Variants in TSC2 observed in about 807,000 individuals in gnomAD.
The protein encoded by TSC2 is tuberin.
Under a neutral mutation model 202.2 loss-of-function variants are expected in TSC2, and 29 were observed. The ratio of observed to expected loss-of-function variants is 0.14; its 90% CI spans 0.11 to 0.20. The LOEUF (loss-of-function observed/expected upper bound fraction) is 0.20, where lower values mean the gene tolerates loss of function less well. TSC2 is among the 10% of genes least tolerant of loss of function. TSC2 has a pLI of 1.00. For missense variants in TSC2, 2,429 were observed against 2,420.0 expected (o/e 1.00, Z -0.08); for synonymous variants, 1,349 against 1,044.0 (o/e 1.29, Z -5.63).
chr16:2,065,951 C>T (rs1353097853), intron 16 of TSC2, among the ~76,000 whole-genome samples: 3 of 152,216 alleles, frequency 2.0e-5, no homozygotes, highest in East Asian at 3.8e-4. Flanking sequence ...GGGTGGCCCT[C>T]CATTCCTGCC....
At chr16:2,073,459 G>C (rs1482173620) in intron 21 of TSC2, among the ~76,000 whole-genome samples, 1 of 152,258 alleles carries the variant, frequency 6.6e-6, no homozygotes, top group Non-Finnish European at 1.5e-5. Flanking sequence ...GGCCCTCCGG[G>C]ACGAGGAGCT....
chr16:2,074,471 A>G, intron 22 of TSC2, 82 bp downstream of exon 22: 3 of 1,547,692 alleles, frequency 1.9e-6, no homozygotes, highest in Non-Finnish European at 2.6e-6. Flanking sequence ...GCCCTCTCTC[A>G]GGACTCCTTG....
intron 32 of TSC2, 98 bp downstream of exon 32, chr16:2,082,602 T>C (rs1468918985): frequency 7.4e-7 from 1 of 1,350,712 alleles, no homozygotes; most frequent in Non-Finnish European, 1.0e-6. Context: ...ATGGTCCGTC[T>C]GCCTCCATTG....
chr16:2,062,796 G>GCTCCCTCT, intron 13 of TSC2, 176 bp from the exon 14 acceptor site: 1 of 897,142 alleles, frequency 1.1e-6, no homozygotes, highest in Non-Finnish European at 1.7e-6. Flanking sequence ...ACGCCACTGG[G>GCTCCCTCT]CTCCCTCTTT....
rs771763773 is a variant in TSC2 at position 2,079,372 on chromosome 16, G to A, written c.3228G>A (p.Gly1076=). The change falls in exon 28 of 42, where the codon GGG becomes GGA. Residue 1076 remains glycine, a synonymous_variant. Transcript: ENST00000219476. This position sits in a 1 kb window ranked among gnomAD's most constrained non-coding sequence, Gnocchi z 4.6. ...CTGTGACGACAAGCGTGGGAACCGG[G>A]ACCCGGTCGTTACTAGGCCTGGACT... The part of the protein sequence containing the change: ...LVTVTTSVGT[G]TRSLLGLDSG... 4 of 1,612,936 alleles carry A rather than the reference G, an allele frequency of 2.5e-6. No individual in the cohort carries two copies. In the South Asian group the frequency reaches 3.3e-5, roughly 13 times the overall value.
At chr16:2,077,859 G>A (rs1300050480) in intron 26 of TSC2, 133 bp downstream of exon 26, 17 of 1,455,812 alleles carry the variant, frequency 1.2e-5, no homozygotes, top group African/African-American at 2.8e-5. Flanking sequence ...AGGGGGAGCC[G>A]GTGACGAGGG....
chr16:2,073,421 C>T (rs2088800113), intron 21 of TSC2, among the ~76,000 whole-genome samples: 3 of 152,270 alleles, frequency 2.0e-5, no homozygotes, highest in South Asian at 2.1e-4. Flanking sequence ...CCGTCCCAGT[C>T]GCATTCTTCC....
chr16:2,080,676 G>A (rs556270711), intron 30 of TSC2: 11 of 395,448 alleles, frequency 2.8e-5, no homozygotes, highest in African/African-American at 4.1e-5. Flanking sequence ...AGTAGAGATG[G>A]GGTTTCACTG....
At chr16:2,062,241 G>A (rs964716298) in intron 12 of TSC2, among the ~76,000 whole-genome samples, 1 of 152,226 alleles carries the variant, frequency 6.6e-6, no homozygotes, top group African/African-American at 2.4e-5. Flanking sequence ...GCTTCCATCC[G>A]GCTCTGTAGA....
Position 2,084,777 on chromosome 16 carries a change from C to T in TSC2, c.4493+62C>T, listed in dbSNP as rs575903752. 307 of 1,598,580 alleles carry T rather than the reference C, an allele frequency of 1.9e-4. 1 individual carries two copies. The East Asian group carries it at 6.6e-3, about 34-fold the overall frequency. On this transcript the variant is annotated intron_variant, in intron 34 of 41. Coordinates refer to ENST00000219476, the MANE Select transcript of TSC2 (RefSeq NM_000548.5). ...TCTCCTGCGGGAACCTGGTGCCTCA[C>T]TTGCCCCAGGCCGAGCGGGCTGGGG... is the stretch of plus-strand genomic sequence containing the variant.
chr16:2,061,293 T>C, intron 11 of TSC2: 1 of 283,050 alleles, frequency 3.5e-6, no homozygotes, highest in South Asian at 3.6e-5. Context: ...TGCCTTTTCC[T>C]GGAGCCTGGG....
rs1157610184 is a variant in TSC2 at position 2,086,480 on chromosome 16, C to A, written c.4849+101C>A. 7 of 1,501,440 alleles carry A rather than the reference C, an allele frequency of 4.7e-6. No individual in the cohort carries two copies. In the African/African-American group the frequency reaches 5.5e-5, roughly 12 times the overall value. 93.0% of individuals were successfully genotyped at this position (1,501,440 alleles called of 1,614,324 possible). ...GCCCTGGGGCATGGCCCTGGCACCC[C>A]CACCTGCTCCAGCTCCCCACGCCTC... is the stretch of plus-strand genomic sequence containing the variant. On this transcript the variant is annotated intron_variant, in intron 37 of 41. Coordinates refer to ENST00000219476, the MANE Select transcript of TSC2 (RefSeq NM_000548.5).
At chr16:2,074,140 G>T in intron 21 of TSC2, 60 bp from the exon 22 acceptor site, 4 of 1,603,164 alleles carry the variant, frequency 2.5e-6, no homozygotes, top group Non-Finnish European at 3.4e-6. Context: ...GTTGGCGAGG[G>T]GTAGGCGAGG....
intron 22 of TSC2, chr16:2,074,719 C>A: frequency 2.4e-6 from 1 of 423,074 alleles, no homozygotes; most frequent in Non-Finnish European, 4.5e-6. Flanking sequence ...TTCGCTTCCC[C>A]CAGACTGTGA....
At position 2,089,342 on chromosome 16, in the gene TSC2, C is replaced by CTT. The variant is rs2091336989; in HGVS notation, c.*733_*734dup. On this transcript the variant is annotated 3_prime_UTR_variant, in exon 42 of 42. Coordinates refer to ENST00000219476, the MANE Select transcript of TSC2 (RefSeq NM_000548.5). Reference sequence around the variant, plus strand: ...ACGGTAGGAACTGGAGAGGTAATAACTTAGGGGCAGGGTGGCGGCGGTGCA... The same window carrying CTT: ...ACGGTAGGAACTGGAGAGGTAATAACTTTTAGGGGCAGGGTGGCGGCGGTGCA... 1 of 330,498 alleles carries CTT rather than the reference C, an allele frequency of 3.0e-6. No individual in the cohort carries two copies. Among genetic ancestry groups the CTT allele is most frequent in the Non-Finnish European group, 5.7e-6 (1 of 176,846 alleles). The allele number at this position is 330,498 out of a possible 1,614,324, so 20.5% of individuals were successfully genotyped here. A position where few individuals can be genotyped will look rare whatever the true frequency, so the allele number is the denominator to read the frequency against.
intron 11 of TSC2, 76 bp downstream of exon 11, chr16:2,060,889 C>G: frequency 6.4e-7 from 1 of 1,571,716 alleles, no homozygotes. Flanking sequence ...AAGATGGTAC[C>G]TTGGGCCCCA....
chr16:2,070,406 A>AC, intron 16 of TSC2, 50 bp from the exon 17 acceptor site: 10 of 1,613,030 alleles, frequency 6.2e-6, no homozygotes, highest in Non-Finnish European at 8.5e-6. Context: ...CTGTCTTAGG[A>AC]CTGCGTTTTC....
At chr16:2,066,467 T>C (rs1436019493) in intron 16 of TSC2, 1 of 152,216 alleles carries the variant, frequency 6.6e-6, no homozygotes, top group Non-Finnish European at 1.5e-5. Flanking sequence ...GGTGCTGCTG[T>C]GAACCTTCTC....
rs966007423 is a variant in TSC2, at chr16:2,086,180, C to T, written c.4663-13C>T. ...GGGAGTGATGCCACCCTGCCTCTCCCCTCTCCCCACAGAGCAACAGCGAGC... is the reference window on the plus strand; with the variant it reads ...GGGAGTGATGCCACCCTGCCTCTCCTCTCTCCCCACAGAGCAACAGCGAGC... On this transcript the variant is annotated splice_polypyrimidine_tract_variant and intron_variant, in intron 36 of 41. Coordinates refer to ENST00000219476, the MANE Select transcript of TSC2 (RefSeq NM_000548.5). 1 of 1,611,800 alleles carries T rather than the reference C, an allele frequency of 6.2e-7. No homozygotes were observed. Among genetic ancestry groups the T allele is most frequent in the South Asian group, 1.1e-5 (1 of 91,070 alleles).
Sources: allele counts gnomAD v4.1 joint callset (sites outside exome capture counted in the v4.1 genomes callset), GRCh38; gene constraint gnomAD v4.1.1; non-coding constraint Gnocchi (gnomAD v3.1); transcripts MANE v1.5; gene names NCBI Gene and HGNC (gene_info 2026-07-23, HGNC 2026-07-21).